RALYL: variants seen among roughly 807,000 people sequenced by gnomAD.
The protein encoded by RALYL is RNA-binding Raly-like protein.
A neutral mutation model predicts 35.1 loss-of-function variants in RALYL; 29 were observed. The observed-to-expected ratio is 0.83, with a 90% CI of 0.61 to 1.13. The LOEUF (loss-of-function observed/expected upper bound fraction) is 1.13, where lower values mean the gene tolerates loss of function less well. Ranked by LOEUF, RALYL falls within the 50% of genes most tolerant of loss-of-function variation. The pLI is 0.00. For missense variants in RALYL, 359 were observed against 360.4 expected, an observed-to-expected ratio of 1.00 and a Z score of 0.03; for synonymous variants, 120 against 127.6, an observed-to-expected ratio of 0.94 and a Z score of 0.40.
intron 2 of RALYL, among the ~76,000 whole-genome samples, chr8:84,550,669 G>A (rs2060656152): frequency 6.6e-6 from 1 of 151,564 alleles, no homozygotes; most frequent in Non-Finnish European, 1.5e-5. Flanking sequence ...AAATATGTTT[G>A]TCCTTTAGAA....
intron 1 of RALYL, among the ~76,000 whole-genome samples, chr8:84,364,761 C>T (rs1224604458): frequency 6.6e-6 from 1 of 152,066 alleles, no homozygotes; most frequent in African/African-American, 2.4e-5. Flanking sequence ...ATATTCTACA[C>T]TAGTTTTTCA....
intron 1 of RALYL, among the ~76,000 whole-genome samples, chr8:84,234,775 T>A (rs9772726): frequency 0.1 from 15,179 of 151,590 alleles, 1,069 homozygotes; most frequent in African/African-American, 0.2. Context: ...ATTTATTTTT[T>A]TTTTTTTGAG....
At chr8:84,328,653 G>T (rs1377823856) in intron 1 of RALYL, among the ~76,000 whole-genome samples, 2 of 152,004 alleles carry the variant, frequency 1.3e-5, no homozygotes, top group Middle Eastern at 3.2e-3. Context: ...ACATGTGCTG[G>T]TTTATTACAT....
chr8:84,770,901 T>A (rs1446075100), intron 2 of RALYL, among the ~76,000 whole-genome samples: 1 of 152,286 alleles, frequency 6.6e-6, no homozygotes, highest in Middle Eastern at 3.4e-3. Context: ...GATTATTTGT[T>A]TTTTTCTTGC....
chr8:84,273,366 A>G (rs1278545188), intron 1 of RALYL, among the ~76,000 whole-genome samples: 1 of 152,238 alleles, frequency 6.6e-6, no homozygotes, highest in Non-Finnish European at 1.5e-5. Context: ...TCCGTAGGGA[A>G]GCTCACTACA....
chr8:84,434,632 AAAGAG>A (rs2047505079), intron 1 of RALYL, among the ~76,000 whole-genome samples: 2 of 152,174 alleles, frequency 1.3e-5, no homozygotes, highest in Non-Finnish European at 2.9e-5. Flanking sequence ...AATATTAATC[AAAGAG>A]TATTCATATC....
chr8:84,844,617 G>A (rs1834202194), intron 4 of RALYL, among the ~76,000 whole-genome samples: 1 of 152,132 alleles, frequency 6.6e-6, no homozygotes, highest in South Asian at 2.1e-4. Context: ...TCCCATTACT[G>A]GGTATATACC....
chr8:84,884,839 A>C (rs1437244155), intron 7 of RALYL, among the ~76,000 whole-genome samples: 1 of 152,092 alleles, frequency 6.6e-6, no homozygotes, highest in East Asian at 1.9e-4. Context: ...TCAGGTACCA[A>C]CACTAGGTCT....
intron 1 of RALYL, among the ~76,000 whole-genome samples, chr8:84,527,832 A>G (rs2059009884): frequency 6.6e-6 from 1 of 152,162 alleles, no homozygotes; most frequent in South Asian, 2.1e-4. Flanking sequence ...CTTAATTTTT[A>G]TGTAAATAAC....
intron 4 of RALYL, among the ~76,000 whole-genome samples, chr8:84,818,970 A>C (rs1031518048): frequency 1.3e-5 from 2 of 152,156 alleles, no homozygotes; most frequent in Non-Finnish European, 2.9e-5. Flanking sequence ...GTTAACAAGA[A>C]ATTGTCCCCA....
chr8:84,330,753 A>C (rs1053221495), intron 1 of RALYL, among the ~76,000 whole-genome samples: 11 of 152,068 alleles, frequency 7.2e-5, no homozygotes, highest in African/African-American at 2.2e-4. Context: ...TCCTTCAATC[A>C]TACTTTTTCA....
At chr8:84,610,416 G>A (rs1818052911) in intron 2 of RALYL, among the ~76,000 whole-genome samples, 1 of 152,008 alleles carries the variant, frequency 6.6e-6, no homozygotes, top group South Asian at 2.1e-4. Context: ...CATCACGGAG[G>A]TAAGGCAATT....
intron 1 of RALYL, among the ~76,000 whole-genome samples, chr8:84,186,938 G>C (rs1812676712): frequency 6.6e-6 from 1 of 152,012 alleles, no homozygotes; most frequent in South Asian, 2.1e-4. Flanking sequence ...CCGCCTACTG[G>C]CTTCTCATGG....
rs377604104 is a variant in RALYL at position 84,439,232 on chromosome 8, C to T, written c.-23-90067C>T. Among the ~76,000 whole-genome samples, 22 of 151,968 alleles carry T rather than the reference C, an allele frequency of 1.4e-4. 2 individuals are homozygous for T. The South Asian group carries it at 3.7e-3, about 26-fold the overall frequency. On this transcript the variant is annotated intron_variant, in intron 1 of 8. Coordinates refer to ENST00000521268, the MANE Select transcript of RALYL (RefSeq NM_173848.7). The stretch of plus-strand genomic sequence containing the variant: ...AAATCCATGAACATGGAATGTTTGT[C>T]GATTTGTTTGTGTCATCTATGATTT...
At chr8:84,214,074 A>G (rs953325457) in intron 1 of RALYL, among the ~76,000 whole-genome samples, 4 of 152,182 alleles carry the variant, frequency 2.6e-5, no homozygotes, top group African/African-American at 9.6e-5. Flanking sequence ...GTGGTTCATT[A>G]TTGTTATCAA....
At chr8:84,500,888 A>C (rs1397794122) in intron 1 of RALYL, among the ~76,000 whole-genome samples, 1 of 152,162 alleles carries the variant, frequency 6.6e-6, no homozygotes, top group Non-Finnish European at 1.5e-5. Context: ...TTTTGTTGAC[A>C]GGATTAAGTA....
chr8:84,439,502 A>G (rs1387768127), intron 1 of RALYL, among the ~76,000 whole-genome samples: 2 of 152,170 alleles, frequency 1.3e-5, no homozygotes, highest in African/African-American at 2.4e-5. Context: ...TTTGTCTAAT[A>G]TAAGCATTCT....
intron 1 of RALYL, among the ~76,000 whole-genome samples, chr8:84,521,141 G>C (rs1302922870): frequency 6.6e-6 from 1 of 152,108 alleles, no homozygotes; most frequent in East Asian, 1.9e-4. Flanking sequence ...GTTTAGATGA[G>C]GTCATGAGCG....
At chr8:84,767,283 A>G (rs982884988) in intron 2 of RALYL, among the ~76,000 whole-genome samples, 20 of 152,162 alleles carry the variant, frequency 1.3e-4, no homozygotes, top group Non-Finnish European at 5.9e-5. Context: ...GTTTATAGTT[A>G]TATCTGTCAC....
Sources: allele counts gnomAD v4.1 joint callset (sites outside exome capture counted in the v4.1 genomes callset), GRCh38; gene constraint gnomAD v4.1.1; transcripts MANE v1.5; gene names NCBI Gene and HGNC (gene_info 2026-07-23, HGNC 2026-07-21).